CHODL: variants seen among roughly 807,000 people sequenced by gnomAD.
The protein encoded by CHODL is transmembrane protein MT75.
In CHODL, 29 loss-of-function variants were observed where a neutral mutation model predicts 34.5. The observed-to-expected ratio is 0.84, with a 90% CI of 0.63 to 1.15. The LOEUF (loss-of-function observed/expected upper bound fraction) is 1.15. Among genes scored for constraint, CHODL ranks in the 50% most tolerant of loss-of-function variants. CHODL has a pLI of 0.00. For synonymous variants in CHODL, 125 were observed against 116.1 expected, an observed-to-expected ratio of 1.08 and a Z score of -0.49; for missense variants, 332 against 332.5, an observed-to-expected ratio of 1.00 and a Z score of 0.01.
At chr21:18,144,572 C>T (rs191766424) in intron 2 of CHODL, among the ~76,000 whole-genome samples, 31 of 152,188 alleles carry the variant, frequency 2.0e-4, no homozygotes, top group Admixed American at 3.3e-4. Flanking sequence ...ACAAAGACCA[C>T]GGGGATCCCA....
intron 2 of CHODL, among the ~76,000 whole-genome samples, chr21:18,153,414 T>C (rs1357563855): frequency 6.6e-6 from 1 of 152,168 alleles, no homozygotes; most frequent in Non-Finnish European, 1.5e-5. Flanking sequence ...TTCTCCATCT[T>C]CAAAACCTGA....
intron 2 of CHODL, among the ~76,000 whole-genome samples, chr21:18,193,319 T>C (rs959802335): frequency 5.3e-5 from 8 of 152,302 alleles, no homozygotes; most frequent in African/African-American, 1.9e-4. Flanking sequence ...TCTTCCAGTG[T>C]ACAAATTTGA....
intron 2 of CHODL, among the ~76,000 whole-genome samples, chr21:18,094,606 G>A (rs8128432): frequency 0.034 from 5,097 of 151,892 alleles, 280 homozygotes; most frequent in African/African-American, 0.12. Flanking sequence ...TGAATAACCA[G>A]GGGGTCAATG....
intron 2 of CHODL, among the ~76,000 whole-genome samples, chr21:18,143,417 C>CT (rs940266126): frequency 6.6e-6 from 1 of 152,044 alleles, no homozygotes; most frequent in Non-Finnish European, 1.5e-5. Context: ...GACAAGTATG[C>CT]TTTTTATACA....
chr21:17,922,012 G>A (rs1334879497), intron 1 of CHODL, among the ~76,000 whole-genome samples: 1 of 152,142 alleles, frequency 6.6e-6, no homozygotes, highest in East Asian at 1.9e-4. Context: ...GAAATATGAT[G>A]CTATTTCTGG....
intron 1 of CHODL, among the ~76,000 whole-genome samples, chr21:17,935,714 T>A (rs867055867): frequency 1.1e-4 from 16 of 151,890 alleles, no homozygotes; most frequent in African/African-American, 3.9e-4. Flanking sequence ...CTCTAAAGAG[T>A]GTAGCATGGA....
chr21:18,107,208 G>A (rs1334210732), intron 2 of CHODL, among the ~76,000 whole-genome samples: 1 of 152,200 alleles, frequency 6.6e-6, no homozygotes, highest in African/African-American at 2.4e-5. Flanking sequence ...GAATGATAAT[G>A]AATTGCTGGA....
chr21:18,243,988 T>G (rs2074106398), upstream of CHODL, among the ~76,000 whole-genome samples: 1 of 152,218 alleles, frequency 6.6e-6, no homozygotes, highest in Non-Finnish European at 1.5e-5. Context: ...GTTCATACTA[T>G]GGACTTGATA....
Position 18,228,185 on chromosome 21 carries a change from T to C in CHODL, c.-44-28324T>C, listed in dbSNP as rs188320442. ...ATTAATTAATTTGATAGCTTACTCA[T>C]TGCTGCCAATGGTTTAATTTTTTAA... is the stretch of plus-strand genomic sequence containing the variant. On this transcript the variant is annotated intron_variant, in intron 2 of 6. Transcript: ENST00000400127. Among the ~76,000 whole-genome samples the C allele has an allele frequency of 2.1e-3, 313 of 152,248 alleles. 4 individuals are homozygous for C. The highest frequency in any genetic ancestry group is 2.6e-3 in the Non-Finnish European group (175 of 68,014).
chr21:18,063,992 CA>C lies in CHODL; in HGVS notation c.-45+36024del, dbSNP rs557112559. 4.1e-4 allele frequency among the ~76,000 whole-genome samples: 62 copies of C among 152,280 alleles called. 1 individual carries two copies. Among genetic ancestry groups the C allele is most frequent in the African/African-American group, 1.4e-3 (59 of 41,572 alleles). ...CTAGATGATGTCCCTGTTTCCTAAC[CA>C]AACTTGCTTTCACCTCATACATCTA... On this transcript the variant is annotated intron_variant, in intron 2 of 6. Coordinates refer to the CHODL transcript ENST00000400127.
At chr21:18,008,431 C>T (rs572351271) in intron 1 of CHODL, among the ~76,000 whole-genome samples, 23 of 152,198 alleles carry the variant, frequency 1.5e-4, no homozygotes, top group Admixed American at 4.6e-4. Context: ...CTCTAGAACT[C>T]GTTCATTTTG....
At chr21:18,127,890 A>G (rs546994030) in intron 2 of CHODL, among the ~76,000 whole-genome samples, 1 of 151,926 alleles carries the variant, frequency 6.6e-6, no homozygotes, top group Non-Finnish European at 1.5e-5. Flanking sequence ...ACAGACCAAC[A>G]TAAACCTGAT....
chr21:18,215,199 G>GA (rs76175429), intron 2 of CHODL, among the ~76,000 whole-genome samples: 15,350 of 138,830 alleles, frequency 0.11, 1,251 homozygotes, highest in African/African-American at 0.24. Context: ...TCTCAAACAT[G>GA]AAAAAAAAAA....
chr21:17,993,091 T>A (rs541955738), intron 1 of CHODL, among the ~76,000 whole-genome samples: 1 of 152,340 alleles, frequency 6.6e-6, no homozygotes, highest in East Asian at 1.9e-4. Context: ...TGAATAAAAG[T>A]GGTGAAAGTG....
At chr21:17,938,217 T>TCTA (rs2063332584) in intron 1 of CHODL, among the ~76,000 whole-genome samples, 1 of 152,148 alleles carries the variant, frequency 6.6e-6, no homozygotes, top group Admixed American at 6.5e-5. Context: ...CGCTGCCATT[T>TCTA]CTACAGACTG....
intron 1 of CHODL, among the ~76,000 whole-genome samples, chr21:17,925,429 GC>G (rs141942760): frequency 0.018 from 2,801 of 152,220 alleles, 60 homozygotes; most frequent in African/African-American, 0.055. Flanking sequence ...TGTAAATTTG[GC>G]CACACATTTG....
At chr21:18,088,635 G>A (rs561747485) in intron 2 of CHODL, among the ~76,000 whole-genome samples, 1 of 152,188 alleles carries the variant, frequency 6.6e-6, no homozygotes, top group African/African-American at 2.4e-5. Context: ...TGGGCAAGCT[G>A]CCTCAAACCC....
intron 1 of CHODL, among the ~76,000 whole-genome samples, chr21:17,936,025 T>G (rs548905117): frequency 1.3e-5 from 2 of 152,298 alleles, no homozygotes; most frequent in South Asian, 4.1e-4. Context: ...TTTATCAGCT[T>G]GAATTGCAGG....
chr21:18,126,074 A>T (rs1373645885), intron 2 of CHODL, among the ~76,000 whole-genome samples: 1 of 152,210 alleles, frequency 6.6e-6, no homozygotes, highest in Admixed American at 6.5e-5. Context: ...AGGCAGAAAG[A>T]TCCCTTGAGC....
Sources: gnomAD v4.1 joint callset for allele counts (sites outside exome capture counted in the v4.1 genomes callset) on GRCh38, gnomAD v4.1.1 for gene constraint, MANE v1.5 for transcripts, NCBI Gene and HGNC (gene_info 2026-07-23, HGNC 2026-07-21) for gene names.